Variants in ADCY2 observed in about 807,000 individuals in gnomAD.
ADCY2 encodes adenylate cyclase 2.
A neutral mutation model predicts 125.2 loss-of-function variants in ADCY2; 31 were observed. That is an observed-to-expected ratio of 0.25 (90% CI 0.19 to 0.33). The LOEUF is 0.33. Ranked by LOEUF, ADCY2 falls within the 10% of genes least tolerant of loss-of-function variation. The pLI is 1.00. For synonymous variants in ADCY2, 512 were observed against 548.4 expected (o/e 0.93, Z 0.93); for missense variants, 904 against 1,418.2 (o/e 0.64, Z 5.82).
rs576972909 is a variant in ADCY2 at position 7,479,632 on chromosome 5, AATT to A, written c.409-41105_409-41103del. ...TAGTTATTTTAAAATGTACAATTAA[AATT>A]TTTTTTTTTTACTATAGTCACCCTG... On this transcript the variant is annotated intron_variant, in intron 2 of 24. Coordinates refer to ENST00000338316, the MANE Select transcript of ADCY2 (RefSeq NM_020546.3). Among the ~76,000 whole-genome samples, 455 of 102,806 alleles carry A rather than the reference AATT, an allele frequency of 4.4e-3. 1 individual carries two copies. Among genetic ancestry groups the A allele is most frequent in the African/African-American group, 0.016 (443 of 27,846 alleles). The allele number at this position is 102,806 out of a possible 152,430, so 67.4% of individuals were successfully genotyped here. A position where few individuals can be genotyped will look rare whatever the true frequency, so the allele number is the denominator to read the frequency against.
chr5:7,768,235 C>T (rs552793150), intron 17 of ADCY2, among the ~76,000 whole-genome samples: 16 of 152,252 alleles, frequency 1.1e-4, no homozygotes, highest in South Asian at 1.0e-3. Context: ...AAGGGCTAGG[C>T]GTTGCCTTCT....
intron 16 of ADCY2, among the ~76,000 whole-genome samples, chr5:7,765,870 A>G (rs1743359394): frequency 1.3e-5 from 2 of 152,118 alleles, no homozygotes; most frequent in Admixed American, 6.5e-5. Flanking sequence ...TAGCCACATG[A>G]CAGAAAAGTG....
At chr5:7,597,454 C>A (rs543311713) in intron 3 of ADCY2, among the ~76,000 whole-genome samples, 3 of 152,310 alleles carry the variant, frequency 2.0e-5, no homozygotes, top group Admixed American at 2.0e-4. Context: ...TGCTTCCCTT[C>A]AGGAGCAGTA....
chr5:7,821,858 T>C (rs1745312295), intron 24 of ADCY2, among the ~76,000 whole-genome samples: 1 of 152,128 alleles, frequency 6.6e-6, no homozygotes, highest in African/African-American at 2.4e-5. Flanking sequence ...CGTTCAAGAA[T>C]TATCCTGAAC....
chr5:7,448,475 T>C (rs983982859), intron 2 of ADCY2, among the ~76,000 whole-genome samples: 1 of 152,092 alleles, frequency 6.6e-6, no homozygotes, highest in African/African-American at 2.4e-5. Context: ...ATTCATTATT[T>C]TTTTTTTTCA....
chr5:7,458,327 T>C (rs563439847), intron 2 of ADCY2, among the ~76,000 whole-genome samples: 5 of 152,290 alleles, frequency 3.3e-5, no homozygotes, highest in Non-Finnish European at 5.9e-5. Flanking sequence ...TTAATGAGAG[T>C]AATGAACAGT....
At chr5:7,621,723 G>A (rs549071744) in intron 3 of ADCY2, among the ~76,000 whole-genome samples, 1 of 152,296 alleles carries the variant, frequency 6.6e-6, no homozygotes, top group South Asian at 2.1e-4. Flanking sequence ...ATAATAATTT[G>A]CTAGTAGATA....
At chr5:7,806,796 A>G (rs1744774305) in intron 22 of ADCY2, among the ~76,000 whole-genome samples, 1 of 152,220 alleles carries the variant, frequency 6.6e-6, no homozygotes, top group Admixed American at 6.5e-5. Context: ...GGAGGACACA[A>G]TCCTGTCCAC....
At chr5:7,615,239 G>T (rs764964515) in intron 3 of ADCY2, among the ~76,000 whole-genome samples, 29 of 152,082 alleles carry the variant, frequency 1.9e-4, no homozygotes, top group Non-Finnish European at 3.5e-4. Context: ...ATTTGTGTGG[G>T]GACACAAATC....
chr5:7,536,900 AGT>A (rs1734831638), intron 3 of ADCY2, among the ~76,000 whole-genome samples: 1 of 152,166 alleles, frequency 6.6e-6, no homozygotes, highest in African/African-American at 2.4e-5. Flanking sequence ...GTGCAGGAAT[AGT>A]TTTTTTCTTA....
At chr5:7,705,683 G>T (rs1254344945) in intron 7 of ADCY2, among the ~76,000 whole-genome samples, 1 of 152,178 alleles carries the variant, frequency 6.6e-6, no homozygotes, top group Non-Finnish European at 1.5e-5. Context: ...GGAAAGTTTT[G>T]GATGACTTGC....
chr5:7,729,830 A>G (rs925329384), intron 14 of ADCY2, among the ~76,000 whole-genome samples: 2 of 148,484 alleles, frequency 1.3e-5, no homozygotes, highest in African/African-American at 2.4e-5. Flanking sequence ...ATATTAAAGA[A>G]TAAAATATAT....
intron 3 of ADCY2, among the ~76,000 whole-genome samples, chr5:7,597,352 A>G (rs1256594448): frequency 6.6e-6 from 1 of 152,236 alleles, no homozygotes; most frequent in Non-Finnish European, 1.5e-5. Context: ...AGCTGGGTCC[A>G]GAGGCCCCCT....
intron 15 of ADCY2, among the ~76,000 whole-genome samples, chr5:7,755,046 A>G (rs879212951): frequency 6.6e-6 from 1 of 152,182 alleles, no homozygotes; most frequent in Non-Finnish European, 1.5e-5. Flanking sequence ...TGTTCAGAGC[A>G]TTAAGGGACA....
At chr5:7,663,293 A>G (rs543115464) in intron 4 of ADCY2, among the ~76,000 whole-genome samples, 2 of 152,364 alleles carry the variant, frequency 1.3e-5, no homozygotes, top group Middle Eastern at 3.4e-3. Flanking sequence ...CTCCACATAA[A>G]GCATAAATGG....
intron 1 of ADCY2, among the ~76,000 whole-genome samples, chr5:7,400,644 C>T (rs1275996128): frequency 6.6e-6 from 1 of 152,206 alleles, no homozygotes; most frequent in East Asian, 1.9e-4. Context: ...CTCTAAGAAG[C>T]AGGAAATTCT....
chr5:7,800,477 C>T (rs1744557155), intron 20 of ADCY2: 1 of 152,150 alleles, frequency 6.6e-6, no homozygotes, highest in Admixed American at 6.5e-5. Flanking sequence ...GCCTGGCCAA[C>T]ATGGTGAAAC....
chr5:7,441,428 A>T (rs1419974621), intron 2 of ADCY2, among the ~76,000 whole-genome samples: 2 of 151,522 alleles, frequency 1.3e-5, no homozygotes, highest in South Asian at 2.1e-4. Flanking sequence ...TTTTTTTTTT[A>T]AATAATCAGT....
intron 3 of ADCY2, among the ~76,000 whole-genome samples, chr5:7,548,496 A>G (rs1222639769): frequency 2.0e-5 from 3 of 152,146 alleles, no homozygotes; most frequent in Non-Finnish European, 4.4e-5. Context: ...TTTTTTTAGA[A>G]CAGCTGGCAG....
Sources: gnomAD v4.1 joint callset for allele counts (sites outside exome capture counted in the v4.1 genomes callset) on GRCh38, gnomAD v4.1.1 for gene constraint, MANE v1.5 for transcripts, NCBI Gene and HGNC (gene_info 2026-07-23, HGNC 2026-07-21) for gene names.